Variants in LOXHD1 observed in about 807,000 individuals in gnomAD.
LOXHD1 encodes the protein lipoxygenase homology PLAT domains 1.
A neutral mutation model predicts 248.2 loss-of-function variants in LOXHD1; 205 were observed. The ratio of observed to expected loss-of-function variants is 0.83; its 90% confidence interval spans 0.74 to 0.93. The LOEUF is 0.93. Among genes scored for constraint, LOXHD1 ranks in the 40% least tolerant of loss-of-function variants. The pLI, the probability that LOXHD1 is intolerant of heterozygous loss-of-function variation, is 0.00. For synonymous variants in LOXHD1, 1,113 were observed against 1,162.8 expected (o/e 0.96, Z 0.87); for missense variants, 2,930 against 2,971.6 (o/e 0.99, Z 0.33).
At position 46,520,546 on chromosome 18, in the gene LOXHD1, T is replaced by A. The variant is rs148267585; in HGVS notation, c.5271+551A>T. 8.9e-5 allele frequency: 29 copies of A among 324,934 alleles called. No individual in the cohort carries two copies. The East Asian group carries it at 2.5e-3, about 28-fold the overall frequency. 20.1% of individuals were successfully genotyped at this position (324,934 alleles called of 1,614,324 possible). A position where few individuals can be genotyped will look rare whatever the true frequency, so the allele number is the denominator to read the frequency against. ...AATTTATCCCAGGTCATTTGACCAG[T>A]TAGAGATGGAGCCAGGACCGAAGCT... On this transcript the variant is annotated intron_variant, in intron 33 of 40. Coordinates refer to ENST00000642948, the MANE Select transcript of LOXHD1 (RefSeq NM_001384474.1).
At chr18:46,562,526 G>T (rs2037550742) in intron 18 of LOXHD1, among the ~76,000 whole-genome samples, 1 of 152,120 alleles carries the variant, frequency 6.6e-6, no homozygotes, top group Non-Finnish European at 1.5e-5. Flanking sequence ...GGAGACCTGG[G>T]ATACTCAGGA....
intron 38 of LOXHD1, among the ~76,000 whole-genome samples, chr18:46,485,950 C>G (rs2033014756): frequency 6.6e-6 from 1 of 151,926 alleles, no homozygotes. Flanking sequence ...GTCCTTCTGC[C>G]TGGAGTCCTT....
intron 15 of LOXHD1, among the ~76,000 whole-genome samples, chr18:46,569,974 T>C (rs1325220673): frequency 1.3e-5 from 2 of 152,182 alleles, no homozygotes; most frequent in Non-Finnish European, 2.9e-5. Flanking sequence ...AATCATCTGG[T>C]CTAGCTTCTC....
At chr18:46,568,183 G>A (rs952091848) in intron 16 of LOXHD1, among the ~76,000 whole-genome samples, 1 of 152,140 alleles carries the variant, frequency 6.6e-6, no homozygotes, top group Non-Finnish European at 1.5e-5. Flanking sequence ...GAGAGGGAAG[G>A]GGCAGGAAAG....
At chr18:46,581,784 G>C (rs1359740189) in intron 12 of LOXHD1, among the ~76,000 whole-genome samples, 1 of 152,210 alleles carries the variant, frequency 6.6e-6, no homozygotes, top group African/African-American at 2.4e-5. Flanking sequence ...AAGATGAAGA[G>C]AGAATCTTGA....
At chr18:46,527,146 A>C (rs545151514) in intron 29 of LOXHD1, among the ~76,000 whole-genome samples, 10 of 152,224 alleles carry the variant, frequency 6.6e-5, no homozygotes, top group Admixed American at 2.0e-4. Context: ...AAAAAAAAAA[A>C]AACGGAATCT....
At chr18:46,647,305 G>A (rs2039043681) in intron 2 of LOXHD1, among the ~76,000 whole-genome samples, 1 of 152,168 alleles carries the variant, frequency 6.6e-6, no homozygotes, top group Admixed American at 6.5e-5. Context: ...GAGGCTCAGT[G>A]GAAATCCATG....
At chr18:46,538,390 A>G in intron 25 of LOXHD1, 53 bp from the exon 26 acceptor site, 1 of 1,506,750 alleles carries the variant, frequency 6.6e-7, no homozygotes, top group Non-Finnish European at 9.0e-7. Context: ...AACAGAAAAC[A>G]AACATGGTGA....
At chr18:46,592,148 C>T in intron 11 of LOXHD1, 80 bp from the exon 12 acceptor site, 2 of 1,490,708 alleles carry the variant, frequency 1.3e-6, no homozygotes, top group South Asian at 2.4e-5. Flanking sequence ...TCTGCTATCT[C>T]ATTGCAGAGA....
chr18:46,523,454 T>C (rs1000857184), intron 31 of LOXHD1, among the ~76,000 whole-genome samples: 4 of 152,204 alleles, frequency 2.6e-5, no homozygotes, highest in African/African-American at 9.7e-5. Flanking sequence ...GGAACTGCTA[T>C]ATTAGTCCCA....
Position 46,560,252 on chromosome 18 carries a change from C to CGAGGACTCCTCTGATGAG in LOXHD1, c.2874_2891dup (p.Ser960_Ser965dup), listed in dbSNP as rs759237437. 1.7e-3 allele frequency: 2,578 copies of CGAGGACTCCTCTGATGAG among 1,551,366 alleles called. 3 individuals are homozygous for CGAGGACTCCTCTGATGAG. Among genetic ancestry groups the CGAGGACTCCTCTGATGAG allele is most frequent in the Non-Finnish European group, 2.0e-3 (2,335 of 1,146,522 alleles). ...CTTCTTCCATCTCCTCCTCCTCTGA[C>CGAGGACTCCTCTGATGAG]GAGGACTCCTCTGATGAGGACGACT... On this transcript the variant is annotated inframe_insertion, in exon 19 of 41. Coordinates refer to ENST00000642948, the MANE Select transcript of LOXHD1 (RefSeq NM_001384474.1).
chr18:46,490,651 T>G (rs1159890674), intron 37 of LOXHD1, among the ~76,000 whole-genome samples: 2 of 152,166 alleles, frequency 1.3e-5, no homozygotes, highest in Non-Finnish European at 2.9e-5. Context: ...AATCTTGTAT[T>G]TTTATTAGGG....
At chr18:46,519,091 G>A (rs1412387736) in intron 33 of LOXHD1, 6 of 985,374 alleles carry the variant, frequency 6.1e-6, no homozygotes, top group East Asian at 1.1e-4. Context: ...AGGCAGCCTC[G>A]TGGCAAGAGA....
In LOXHD1 at chr18:46,529,181, C is replaced by T. The variant is rs187587197; in HGVS notation, c.4526G>A (p.Gly1509Glu). 9,772 of 1,551,526 alleles carry T rather than the reference C, an allele frequency of 6.3e-3. 107 individuals are homozygous for T. Among genetic ancestry groups the T allele is most frequent in the Non-Finnish European group, 5.3e-3 (6,086 of 1,146,962 alleles). ...SENRTNKFER[G>E]TADTFIIEAA... ...AACTCCGTGTGCCCCTCATACCGTTCCTCTCTCGAACTTGTTGGTCCGGTT... is the reference window on the plus strand; with the variant it reads ...AACTCCGTGTGCCCCTCATACCGTTTCTCTCTCGAACTTGTTGGTCCGGTT... Residue 1509 changes from glycine to glutamate, a missense_variant, in exon 29 of 41, where the codon GGA becomes GAA. Gly to Glu is a moderately conservative substitution (Grantham distance 98, BLOSUM62 -2). Transcript: ENST00000642948.
At chr18:46,544,888 T>TGTC (rs199944050) in intron 23 of LOXHD1, 10,051 of 473,078 alleles carry the variant, frequency 0.021, 328 homozygotes, top group Admixed American at 0.11. Flanking sequence ...AGGGACTGAC[T>TGTC]GACTCCTCTC....
At chr18:46,495,424 T>A (rs1389168425) in intron 37 of LOXHD1, among the ~76,000 whole-genome samples, 2 of 144,742 alleles carry the variant, frequency 1.4e-5, no homozygotes, top group Non-Finnish European at 3.1e-5. Context: ...GAATAAGAAA[T>A]GAAAGAATTA....
chr18:46,525,318 G>A (rs1192472265), intron 29 of LOXHD1, among the ~76,000 whole-genome samples: 11 of 152,308 alleles, frequency 7.2e-5, no homozygotes, highest in South Asian at 4.1e-4. Flanking sequence ...AAGTCCAGCT[G>A]TGGCAACCGG....
intron 21 of LOXHD1, among the ~76,000 whole-genome samples, chr18:46,553,209 C>T (rs1255474627): frequency 6.6e-6 from 1 of 152,246 alleles, no homozygotes; most frequent in Non-Finnish European, 1.5e-5. Context: ...TAATTGGACT[C>T]TCATTGCCAA....
chr18:46,529,159 T>A lies in LOXHD1; in HGVS notation c.4530+18A>T. 3 of 1,551,280 alleles carry A rather than the reference T, an allele frequency of 1.9e-6. No homozygotes were observed. Among genetic ancestry groups the A allele is most frequent in the Non-Finnish European group, 2.6e-6 (3 of 1,146,852 alleles). The stretch of plus-strand genomic sequence containing the variant: ...TGGAGAGGAGGGAAGGAGGGTAAAC[T>A]CCGTGTGCCCCTCATACCGTTCCTC... On this transcript the variant is annotated intron_variant, in intron 29 of 40. Transcript: ENST00000642948.
Sources: allele counts gnomAD v4.1 joint callset (sites outside exome capture counted in the v4.1 genomes callset), GRCh38; gene constraint gnomAD v4.1.1; transcripts MANE v1.5; gene names NCBI Gene and HGNC (gene_info 2026-07-23, HGNC 2026-07-21).